KCNQ5: variants seen among roughly 807,000 people sequenced by gnomAD.
KCNQ5 encodes the protein potassium voltage-gated channel subfamily KQT member 5.
In KCNQ5, 30 loss-of-function variants were observed where a neutral mutation model predicts 98.2. That is an observed-to-expected ratio of 0.31 (90% CI 0.23 to 0.41). The LOEUF (loss-of-function observed/expected upper bound fraction) is 0.41. Among genes scored for constraint, KCNQ5 ranks in the 10% least tolerant of loss-of-function variants. KCNQ5 has a pLI of 1.00. For synonymous variants in KCNQ5, 458 were observed against 449.4 expected (o/e 1.02, Z -0.24); for missense variants, 835 against 1,182.5 (o/e 0.71, Z 4.31).
intron 1 of KCNQ5, among the ~76,000 whole-genome samples, chr6:72,630,938 G>A (rs1235062511): frequency 6.6e-6 from 1 of 152,176 alleles, no homozygotes; most frequent in Non-Finnish European, 1.5e-5. Context: ...GACAAAACTG[G>A]AGGTAGAGGA....
intron 1 of KCNQ5, among the ~76,000 whole-genome samples, chr6:72,623,083 C>T (rs187771741): frequency 2.4e-4 from 37 of 152,166 alleles, no homozygotes; most frequent in Admixed American, 1.5e-3. Context: ...GTAGGGGAAG[C>T]TGCTACTTGG....
chr6:72,642,946 A>G (rs960644412), intron 1 of KCNQ5, among the ~76,000 whole-genome samples: 1 of 152,176 alleles, frequency 6.6e-6, no homozygotes, highest in Non-Finnish European at 1.5e-5. Context: ...GAATGAGCTT[A>G]TATCCTTTGC....
At chr6:72,705,984 T>C (rs958301440) in intron 1 of KCNQ5, among the ~76,000 whole-genome samples, 1 of 152,082 alleles carries the variant, frequency 6.6e-6, no homozygotes, top group African/African-American at 2.4e-5. Flanking sequence ...TAAAATGTAG[T>C]ATTATGTTTG....
At chr6:72,976,967 G>T (rs1768185000) in intron 1 of KCNQ5, among the ~76,000 whole-genome samples, 1 of 152,132 alleles carries the variant, frequency 6.6e-6, no homozygotes. Flanking sequence ...GCTGGGTATT[G>T]TTTCATGTTT....
intron 9 of KCNQ5, among the ~76,000 whole-genome samples, chr6:73,129,074 C>T (rs1049994161): frequency 6.6e-6 from 1 of 152,204 alleles, no homozygotes; most frequent in South Asian, 2.1e-4. Flanking sequence ...TGTTGTTAAA[C>T]TAAACTCAAT....
At chr6:72,695,139 T>C (rs748187766) in intron 1 of KCNQ5, among the ~76,000 whole-genome samples, 7 of 152,196 alleles carry the variant, frequency 4.6e-5, no homozygotes, top group Non-Finnish European at 1.0e-4. Flanking sequence ...GTCAATTCTA[T>C]GTCTTTGCTA....
At chr6:72,786,094 C>G (rs1773725690) in intron 1 of KCNQ5, among the ~76,000 whole-genome samples, 1 of 152,126 alleles carries the variant, frequency 6.6e-6, no homozygotes. Flanking sequence ...TATTTTGACA[C>G]AATTGTTATG....
intron 1 of KCNQ5, among the ~76,000 whole-genome samples, chr6:72,898,625 C>T (rs1356032324): frequency 6.6e-6 from 1 of 152,136 alleles, no homozygotes; most frequent in Non-Finnish European, 1.5e-5. Flanking sequence ...AATAGTGCTG[C>T]AATAAACGTA....
chr6:72,775,917 T>G (rs963885393), intron 1 of KCNQ5, among the ~76,000 whole-genome samples: 2 of 152,258 alleles, frequency 1.3e-5, no homozygotes, highest in Admixed American at 1.3e-4. Context: ...GTATCCTGGA[T>G]GGGATCCTAG....
chr6:72,985,128 C>T (rs1308790372), intron 1 of KCNQ5, among the ~76,000 whole-genome samples: 2 of 152,154 alleles, frequency 1.3e-5, no homozygotes, highest in African/African-American at 2.4e-5. Flanking sequence ...ATTGCGTGAG[C>T]CCAGATGTTC....
intron 1 of KCNQ5, among the ~76,000 whole-genome samples, chr6:72,983,458 C>T (rs549872847): frequency 2.6e-5 from 4 of 152,212 alleles, no homozygotes; most frequent in South Asian, 2.1e-4. Context: ...TCCACTTGAT[C>T]GATAAGGCTG....
chr6:73,043,129 G>A (rs2150358515), intron 3 of KCNQ5: 1 of 450,826 alleles, frequency 2.2e-6, no homozygotes, highest in South Asian at 1.7e-5. Context: ...CCTATGGTGG[G>A]GGCAGAGTGG....
At chr6:72,828,935 A>G (rs1211484725) in intron 1 of KCNQ5, among the ~76,000 whole-genome samples, 4 of 152,144 alleles carry the variant, frequency 2.6e-5, no homozygotes, top group African/African-American at 9.7e-5. Flanking sequence ...AACCTACAAA[A>G]TAAAATACAT....
chr6:72,966,596 G>GA (rs1245608922), intron 1 of KCNQ5, among the ~76,000 whole-genome samples: 4 of 151,054 alleles, frequency 2.6e-5, no homozygotes, highest in South Asian at 2.1e-4. Flanking sequence ...AAGAGAGAGA[G>GA]AAAAAAAAGA....
At chr6:72,852,077 C>A (rs1475249823) in intron 1 of KCNQ5, among the ~76,000 whole-genome samples, 3 of 151,676 alleles carry the variant, frequency 2.0e-5, no homozygotes, top group Non-Finnish European at 4.4e-5. Context: ...CAGCAAGGTT[C>A]TCTGTGGCCT....
intron 1 of KCNQ5, among the ~76,000 whole-genome samples, chr6:72,822,827 G>A (rs767489798): frequency 6.6e-6 from 1 of 152,148 alleles, no homozygotes; most frequent in South Asian, 2.1e-4. Context: ...GGTGAATGCA[G>A]AGCTGTATTC....
intron 10 of KCNQ5, among the ~76,000 whole-genome samples, chr6:73,149,924 AAAC>A (rs1277804363): frequency 3.3e-5 from 5 of 152,050 alleles, no homozygotes; most frequent in Non-Finnish European, 7.4e-5. Flanking sequence ...GGGGATGAAA[AAAC>A]AAGCTGCAAA....
intron 5 of KCNQ5, among the ~76,000 whole-genome samples, chr6:73,098,056 G>A (rs1774592621): frequency 6.6e-6 from 1 of 152,008 alleles, no homozygotes; most frequent in African/African-American, 2.4e-5. Context: ...AATTTTATCA[G>A]ATAAATTTAA....
At chr6:72,690,532 A>C (rs902003579) in intron 1 of KCNQ5, among the ~76,000 whole-genome samples, 1 of 152,166 alleles carries the variant, frequency 6.6e-6, no homozygotes, top group African/African-American at 2.4e-5. Flanking sequence ...TATTGAATCA[A>C]GTTTACTTAA....
Sources: allele counts gnomAD v4.1 joint callset (sites outside exome capture counted in the v4.1 genomes callset), GRCh38; gene constraint gnomAD v4.1.1; transcripts MANE v1.5; gene names NCBI Gene and HGNC (gene_info 2026-07-23, HGNC 2026-07-21).